Variants in KALRN observed in about 807,000 individuals in gnomAD.
KALRN encodes kalirin RhoGEF kinase, also known as kalirin.
In KALRN, 70 loss-of-function variants were observed where a neutral mutation model predicts 353.7. The observed-to-expected ratio is 0.20, with a 90% CI of 0.16 to 0.24. The LOEUF (loss-of-function observed/expected upper bound fraction) is 0.24. KALRN is among the 10% of genes least tolerant of loss of function. The probability of loss-of-function intolerance (pLI) is 1.00; values close to 1 mark genes in which losing one functional copy is unlikely to be tolerated. For missense variants in KALRN, 2,791 were observed against 3,756.7 expected (o/e 0.74, Z 6.72); for synonymous variants, 1,391 against 1,434.8 (o/e 0.97, Z 0.69).
chr3:124,368,500 T>G (rs1418495463), intron 10 of KALRN, among the ~76,000 whole-genome samples: 4 of 136,778 alleles, frequency 2.9e-5, no homozygotes, highest in African/African-American at 1.1e-4. Flanking sequence ...TTCCTAGATG[T>G]GATGGTGGCT....
intron 8 of KALRN, among the ~76,000 whole-genome samples, chr3:124,330,246 TCACA>T (rs774251256): frequency 0.28 from 37,715 of 134,020 alleles, 5,476 homozygotes; most frequent in Middle Eastern, 0.35. Flanking sequence ...TCTCTCTCTC[TCACA>T]CACACACACA....
At chr3:124,254,393 A>G (rs1377688428) in intron 3 of KALRN, among the ~76,000 whole-genome samples, 1 of 148,406 alleles carries the variant, frequency 6.7e-6, no homozygotes, top group Non-Finnish European at 1.5e-5. Context: ...ATGTTTCTTC[A>G]AGATCAAGTG....
rs1579701760 is a variant in KALRN, at chr3:124,229,039, G to T, written c.148+975G>T. Among the ~76,000 whole-genome samples, 6 of 150,984 alleles carry T rather than the reference G, an allele frequency of 4.0e-5. No individual in the cohort carries two copies. The Middle Eastern group carries it at 0.017, about 428-fold the overall frequency. On this transcript the variant is annotated intron_variant, in intron 2 of 59. Coordinates refer to ENST00000682506, the MANE Select transcript of KALRN (RefSeq NM_001388419.1). ...CCCACCTAGATAATCTAGAATAATTGCCCTATCTCAAGATGGTTAACTTAA... is the reference window on the plus strand; with the variant it reads ...CCCACCTAGATAATCTAGAATAATTTCCCTATCTCAAGATGGTTAACTTAA...
chr3:124,286,082 C>CCTTCCTTTTCTTT, intron 5 of KALRN, among the ~76,000 whole-genome samples: 1 of 102,252 alleles, frequency 9.8e-6, no homozygotes, highest in South Asian at 4.1e-4. Context: ...TTCTTTCCTT[C>CCTTCCTTTTCTTT]CTTTCTTTCT....
chr3:124,278,027 T>G (rs1274665099), intron 5 of KALRN, among the ~76,000 whole-genome samples: 1 of 150,902 alleles, frequency 6.6e-6, no homozygotes, highest in Non-Finnish European at 1.5e-5. Flanking sequence ...TGTGTGTGTG[T>G]GGTGCAGGGC....
chr3:124,095,211 G>T (rs1304173947), intron 1 of KALRN, among the ~76,000 whole-genome samples: 1 of 152,150 alleles, frequency 6.6e-6, no homozygotes, highest in Non-Finnish European at 1.5e-5. Context: ...GTTAAGCCCT[G>T]TCTTGCAGGG....
chr3:124,197,569 G>A (rs1015439021), intron 1 of KALRN, among the ~76,000 whole-genome samples: 27 of 152,134 alleles, frequency 1.8e-4, no homozygotes, highest in Non-Finnish European at 1.8e-4. Flanking sequence ...TTTCCCACAC[G>A]TTCTCTGCCT....
chr3:124,531,071 G>A (rs1462204426), intron 33 of KALRN, among the ~76,000 whole-genome samples: 1 of 152,102 alleles, frequency 6.6e-6, no homozygotes, highest in African/African-American at 2.4e-5. Context: ...TTCTAAAGTT[G>A]CCAGTTACCA....
chr3:124,407,971 C>T (rs2091756823), intron 13 of KALRN, among the ~76,000 whole-genome samples: 1 of 152,060 alleles, frequency 6.6e-6, no homozygotes, highest in Admixed American at 6.5e-5. Context: ...GACGGGGTTT[C>T]ACCGTGTTAG....
intron 27 of KALRN, among the ~76,000 whole-genome samples, chr3:124,478,477 A>G (rs1363373831): frequency 6.6e-6 from 1 of 152,202 alleles, no homozygotes; most frequent in Non-Finnish European, 1.5e-5. Context: ...CTCAGTAAAG[A>G]AATGACACTT....
At chr3:124,300,260 T>G (rs2077159269) in intron 6 of KALRN, among the ~76,000 whole-genome samples, 2 of 152,204 alleles carry the variant, frequency 1.3e-5, no homozygotes, top group Admixed American at 1.3e-4. Flanking sequence ...GAAAGAAAAG[T>G]AGATAATCAT....
At chr3:124,081,490 G>A (rs1229715099) in intron 1 of KALRN, among the ~76,000 whole-genome samples, 2 of 152,214 alleles carry the variant, frequency 1.3e-5, no homozygotes, top group East Asian at 3.9e-4. Context: ...AGGTAAAGGG[G>A]CCGGGCACAG....
At position 124,584,638 on chromosome 3, in the gene KALRN, T is replaced by A. The variant is rs1186757313; in HGVS notation, c.5182+21549T>A. 2.3e-5 allele frequency: 33 copies of A among 1,409,764 alleles called. No homozygotes were observed. In the South Asian group the frequency reaches 4.8e-4, roughly 20 times the overall value. 87.3% of individuals were successfully genotyped at this position (1,409,764 alleles called of 1,614,324 possible). A position where few individuals can be genotyped will look rare whatever the true frequency, so the allele number is the denominator to read the frequency against. On this transcript the variant is annotated intron_variant, in intron 34 of 59. Transcript: ENST00000682506. ...AGGCCCTCCCTCCCCGCCTGGCCCC[T>A]CCCCGCTTCCCAAGGTGGCAGTGGC...
intron 51 of KALRN, among the ~76,000 whole-genome samples, chr3:124,681,261 CAT>C (rs922942661): frequency 3.9e-5 from 6 of 152,156 alleles, no homozygotes; most frequent in Non-Finnish European, 5.9e-5. Context: ...AGATAAAAAA[CAT>C]GTGTGTGCAT....
chr3:124,328,595 G>A lies in KALRN; in HGVS notation c.1285-1266G>A, dbSNP rs76629679. Among the ~76,000 whole-genome samples, 2,105 of 152,220 alleles carry A rather than the reference G, an allele frequency of 0.014. 88 individuals are homozygous for A. In the East Asian group the frequency reaches 0.15, roughly 11 times the overall value. The stretch of plus-strand genomic sequence containing the variant: ...GTACATATTATATGATCTGATACTC[G>A]ATGGCACCTGGCACTCTTCCAGAAT... On this transcript the variant is annotated intron_variant, in intron 7 of 59. Transcript: ENST00000682506.
chr3:124,659,544 C>T (rs1578739391), intron 43 of KALRN, 87 bp downstream of exon 43: 2 of 860,730 alleles, frequency 2.3e-6, no homozygotes, highest in Non-Finnish European at 4.0e-6. Flanking sequence ...GCTAGCGGTT[C>T]TGTCTCCACC....
chr3:124,159,043 G>A (rs779354209), intron 1 of KALRN, among the ~76,000 whole-genome samples: 4 of 152,060 alleles, frequency 2.6e-5, no homozygotes, highest in Non-Finnish European at 5.9e-5. Flanking sequence ...CACTGATAAA[G>A]CCTGCCCTCT....
rs773565462 is a variant in KALRN at position 124,033,820 on chromosome 3, C to G, written c.73+7C>G. ...GACGCCTTTTTCCGGACAGGTAAGCCGGGCAGGGCGCGGGGGGCCAGGGCT... is the reference window on the plus strand; with the variant it reads ...GACGCCTTTTTCCGGACAGGTAAGCGGGGCAGGGCGCGGGGGGCCAGGGCT... On this transcript the variant is annotated splice_region_variant and intron_variant, in intron 1 of 59. Coordinates refer to ENST00000682506, the MANE Select transcript of KALRN (RefSeq NM_001388419.1). The surrounding 1 kb of genome is among the most constrained non-coding windows in gnomAD (Gnocchi z 6.2). Among the ~76,000 whole-genome samples, 6 of 152,314 alleles carry G rather than the reference C, an allele frequency of 3.9e-5. No individual in the cohort carries two copies. The highest frequency in any genetic ancestry group is 1.4e-4 in the African/African-American group (6 of 41,576).
chr3:124,524,735 A>G (rs538018784), intron 33 of KALRN, among the ~76,000 whole-genome samples: 15 of 152,360 alleles, frequency 9.8e-5, no homozygotes, highest in African/African-American at 3.4e-4. Context: ...ACACAAATAC[A>G]TATGCACAGG....
Sources: gnomAD v4.1 joint callset for allele counts (sites outside exome capture counted in the v4.1 genomes callset) on GRCh38, gnomAD v4.1.1 for gene constraint, Gnocchi (gnomAD v3.1) non-coding constraint, MANE v1.5 for transcripts, NCBI Gene and HGNC (gene_info 2026-07-23, HGNC 2026-07-21) for gene names.